Variants in CSMD1 observed in about 807,000 individuals in gnomAD.
CSMD1 encodes the protein CUB and sushi domain-containing protein 1.
A neutral mutation model predicts 417.5 loss-of-function variants in CSMD1; 213 were observed. The observed-to-expected ratio is 0.51, with a 90% CI of 0.46 to 0.57. The LOEUF (loss-of-function observed/expected upper bound fraction) is 0.57. CSMD1 is among the 20% of genes least tolerant of loss of function. The pLI is 0.00. For missense variants in CSMD1, 6,923 were observed against 4,529.7 expected (o/e 1.53, Z -15.17); for synonymous variants, 2,862 against 1,736.8 (o/e 1.65, Z -16.11).
chr8:3,967,826 T>A (rs7006350), intron 5 of CSMD1, among the ~76,000 whole-genome samples: 1 of 151,944 alleles, frequency 6.6e-6, no homozygotes, highest in African/African-American at 2.4e-5. Flanking sequence ...CGCTTATAGA[T>A]AAGGAAAGTA....
intron 10 of CSMD1, among the ~76,000 whole-genome samples, chr8:3,570,601 T>G (rs942451802): frequency 7.2e-5 from 11 of 152,178 alleles, no homozygotes; most frequent in Admixed American, 5.2e-4. Context: ...GCTGCAATGC[T>G]ATCACGGAGC....
At chr8:3,683,853 T>G (rs886778842) in intron 7 of CSMD1, among the ~76,000 whole-genome samples, 1 of 152,090 alleles carries the variant, frequency 6.6e-6, no homozygotes. Flanking sequence ...AGAATATTCA[T>G]GAATGTTAAG....
intron 40 of CSMD1, among the ~76,000 whole-genome samples, chr8:3,142,904 T>C (rs997035117): frequency 6.6e-6 from 1 of 152,168 alleles, no homozygotes; most frequent in African/African-American, 2.4e-5. Context: ...CGTCCAGAAG[T>C]CAATTTGTTT....
chr8:3,607,769 T>C (rs916525906), intron 8 of CSMD1, among the ~76,000 whole-genome samples: 4 of 152,228 alleles, frequency 2.6e-5, no homozygotes, highest in Admixed American at 1.3e-4. Context: ...TGTATCTCCA[T>C]TAACTGGCAA....
chr8:4,173,158 A>G (rs1476251876), intron 3 of CSMD1, among the ~76,000 whole-genome samples: 3 of 152,222 alleles, frequency 2.0e-5, no homozygotes, highest in Non-Finnish European at 4.4e-5. Context: ...TAGATTGATT[A>G]TAATAGCGCA....
At chr8:4,136,330 G>A (rs566616184) in intron 3 of CSMD1, among the ~76,000 whole-genome samples, 1 of 152,242 alleles carries the variant, frequency 6.6e-6, no homozygotes, top group African/African-American at 2.4e-5. Context: ...ATCTTGATCT[G>A]TTAGTGATAA....
At chr8:3,828,718 T>G (rs1802198160) in intron 5 of CSMD1, among the ~76,000 whole-genome samples, 1 of 152,148 alleles carries the variant, frequency 6.6e-6, no homozygotes, top group Admixed American at 6.5e-5. Context: ...GTTTGGAGCC[T>G]TTCTGCAAGC....
chr8:4,922,425 G>A (rs868121080), intron 1 of CSMD1, among the ~76,000 whole-genome samples: 1 of 152,010 alleles, frequency 6.6e-6, no homozygotes, highest in African/African-American at 2.4e-5. Context: ...GAAATTAAAG[G>A]TCAAATGATA....
intron 18 of CSMD1, among the ~76,000 whole-genome samples, chr8:3,384,914 T>C (rs1323769187): frequency 5.7e-5 from 7 of 122,384 alleles, no homozygotes; most frequent in African/African-American, 2.3e-4. Context: ...TATGCTTATA[T>C]ATTACATATG....
chr8:3,107,910 G>C (rs567279856), intron 44 of CSMD1, 112 bp from the exon 45 acceptor site: 1 of 660,042 alleles, frequency 1.5e-6, no homozygotes, highest in East Asian at 3.1e-5. Context: ...TACACGGACT[G>C]AAATGTCTCT....
intron 3 of CSMD1, among the ~76,000 whole-genome samples, chr8:4,138,658 G>A (rs944276583): frequency 6.6e-6 from 1 of 152,056 alleles, no homozygotes; most frequent in African/African-American, 2.4e-5. Context: ...ACTTTTCAAA[G>A]TATTATTTCT....
rs193069109 is a variant in CSMD1, at chr8:4,855,580, G to T, written c.85+138752C>A. Among the ~76,000 whole-genome samples the T allele has an allele frequency of 3.3e-5, 5 of 152,250 alleles. No homozygotes were observed. The East Asian group carries it at 9.7e-4, about 29-fold the overall frequency. ...CAAGAACTGCTTAAAGGAGCTGATGGAGCTGAAAACCAAGGCGCGAGAACT... is the reference window on the plus strand; with the variant it reads ...CAAGAACTGCTTAAAGGAGCTGATGTAGCTGAAAACCAAGGCGCGAGAACT... On this transcript the variant is annotated intron_variant, in intron 1 of 69. Transcript: ENST00000635120.
chr8:3,540,655 G>T lies in CSMD1; in HGVS notation c.1344+34290C>A, dbSNP rs368716231. ...CCATCTGACAAAGGGCTAATATCCA[G>T]AATCTACAAGGAACTCAAACAAATT... On this transcript the variant is annotated intron_variant, in intron 10 of 69. Transcript: ENST00000635120. Among the ~76,000 whole-genome samples, 16 of 151,994 alleles carry T rather than the reference G, an allele frequency of 1.1e-4. No individual in the cohort carries two copies. The East Asian group carries it at 1.4e-3, about 13-fold the overall frequency.
chr8:3,616,131 T>A (rs934827583), intron 8 of CSMD1, among the ~76,000 whole-genome samples: 9 of 152,158 alleles, frequency 5.9e-5, no homozygotes, highest in African/African-American at 2.2e-4. Flanking sequence ...TTAAAAGAAT[T>A]GGAATATGAC....
intron 1 of CSMD1, among the ~76,000 whole-genome samples, chr8:4,701,087 G>C (rs1272316667): frequency 2.0e-5 from 3 of 152,034 alleles, no homozygotes; most frequent in African/African-American, 4.8e-5. Context: ...TGAAATTAAG[G>C]GTAGAGTTAG....
At chr8:4,604,739 C>T (rs113352976) in intron 2 of CSMD1, among the ~76,000 whole-genome samples, 4 of 152,218 alleles carry the variant, frequency 2.6e-5, no homozygotes, top group African/African-American at 9.6e-5. Flanking sequence ...CATTTATGCA[C>T]AAAATATTGT....
intron 1 of CSMD1, among the ~76,000 whole-genome samples, chr8:4,926,763 T>G (rs929274977): frequency 7.2e-5 from 11 of 152,176 alleles, no homozygotes; most frequent in Non-Finnish European, 1.0e-4. Context: ...AATTCACCAA[T>G]GCTTTCATGT....
intron 52 of CSMD1, among the ~76,000 whole-genome samples, chr8:3,003,188 A>C (rs1011454470): frequency 2.6e-5 from 4 of 152,234 alleles, no homozygotes; most frequent in African/African-American, 7.2e-5. Flanking sequence ...CCCAAATCTT[A>C]ATGATATTGT....
At chr8:3,109,300 C>G (rs1295077580) in intron 43 of CSMD1, among the ~76,000 whole-genome samples, 1 of 152,138 alleles carries the variant, frequency 6.6e-6, no homozygotes, top group Non-Finnish European at 1.5e-5. Context: ...ATAAAAATGT[C>G]AACACCTGTG....
Sources: gnomAD v4.1 joint callset for allele counts (sites outside exome capture counted in the v4.1 genomes callset) on GRCh38, gnomAD v4.1.1 for gene constraint, MANE v1.5 for transcripts, NCBI Gene and HGNC (gene_info 2026-07-23, HGNC 2026-07-21) for gene names.